Variants in RHBDD1 observed in about 807,000 individuals in gnomAD.
The protein encoded by RHBDD1 is rhomboid-related protein 4.
Under a neutral mutation model 36.3 loss-of-function variants are expected in RHBDD1, and 38 were observed. That is an observed-to-expected ratio of 1.05 (90% CI 0.81 to 1.37). The LOEUF (loss-of-function observed/expected upper bound fraction) is 1.37. Among genes scored for constraint, RHBDD1 ranks in the 40% most tolerant of loss-of-function variants. The pLI, the probability that RHBDD1 is intolerant of heterozygous loss-of-function variation, is 0.00. For missense variants in RHBDD1, 393 were observed against 377.6 expected (o/e 1.04, Z -0.34); for synonymous variants, 151 against 136.5 (o/e 1.11, Z -0.74).
At chr2:226,865,609 G>C (rs140105330) in intron 4 of RHBDD1, among the ~76,000 whole-genome samples, 1 of 152,154 alleles carries the variant, frequency 6.6e-6, no homozygotes, top group Non-Finnish European at 1.5e-5. Context: ...AGGATTCATC[G>C]TGAGCCCATC....
chr2:226,802,632 T>C, the RHBDD1 span, among the ~76,000 whole-genome samples: 1 of 152,242 alleles, frequency 6.6e-6, no homozygotes, highest in African/African-American at 2.4e-5. Context: ...ATGAAAAATT[T>C]ACTCCCCACT....
the RHBDD1 span, among the ~76,000 whole-genome samples, chr2:226,803,086 G>T: frequency 6.6e-6 from 1 of 152,148 alleles, no homozygotes; most frequent in African/African-American, 2.4e-5. Flanking sequence ...TTAAATACTG[G>T]CGTCTCTTAG....
Position 226,996,927 on chromosome 2 carries a change from A to ATTT in RHBDD1, c.*1405_*1406insTTT, listed in dbSNP as rs1959513099. The ATTT allele has an allele frequency of 6.6e-6, 1 of 152,216 alleles. No homozygotes were observed. Among genetic ancestry groups the ATTT allele is most frequent in the South Asian group, 2.1e-4 (1 of 4,834 alleles). 9.4% of individuals were successfully genotyped at this position (152,216 alleles called of 1,614,324 possible). ...ACAAATAAATACATACACAATTTTA[A>ATTT]AGTCACCTGTAGCCCTACCCTTAGA... On this transcript the variant is annotated 3_prime_UTR_variant, in exon 9 of 9. Coordinates refer to ENST00000392062, the MANE Select transcript of RHBDD1 (RefSeq NM_001167608.3).
chr2:226,843,739 G>T (rs1457392819), intron 3 of RHBDD1, among the ~76,000 whole-genome samples: 1 of 152,086 alleles, frequency 6.6e-6, no homozygotes, highest in Non-Finnish European at 1.5e-5. Context: ...TCTTTTTGTT[G>T]TTGTATCTCT....
In RHBDD1 at chr2:226,914,361, T is replaced by G; in HGVS notation, c.856+10T>G. 6.2e-7 allele frequency: 1 copy of G among 1,609,042 alleles called. No homozygotes were observed. Among genetic ancestry groups the G allele is most frequent in the Non-Finnish European group, 8.5e-7 (1 of 1,177,810 alleles). On this transcript the variant is annotated intron_variant, in intron 8 of 8. Transcript: ENST00000392062. ...AGCCTCTGGGACCGAGGTAGGAGTC[T>G]TGCGCCCTTCAGTTATTTTAAAGCA...
intron 8 of RHBDD1, among the ~76,000 whole-genome samples, chr2:226,924,833 C>T (rs983909881): frequency 2.6e-5 from 4 of 152,198 alleles, no homozygotes; most frequent in African/African-American, 9.7e-5. Context: ...TCTCCCTCCC[C>T]CAAGTACACA....
the RHBDD1 span, among the ~76,000 whole-genome samples, chr2:226,820,183 T>A: frequency 1.3e-5 from 2 of 152,192 alleles, no homozygotes; most frequent in African/African-American, 2.4e-5. Flanking sequence ...ATAAAAGTAG[T>A]TTGATGAATA....
intron 3 of RHBDD1, among the ~76,000 whole-genome samples, chr2:226,861,978 G>T (rs1290978682): frequency 6.6e-6 from 1 of 152,198 alleles, no homozygotes; most frequent in Non-Finnish European, 1.5e-5. Context: ...AATAATGTGT[G>T]TGTGCATGCA....
upstream of RHBDD1, chr2:226,835,806 T>TA (rs1479631081): frequency 6.6e-6 from 1 of 152,286 alleles, no homozygotes; most frequent in Non-Finnish European, 1.5e-5. Flanking sequence ...ACATGGAGCT[T>TA]AGAGGACAGG....
chr2:226,905,746 G>T (rs188528730), intron 5 of RHBDD1, among the ~76,000 whole-genome samples: 2 of 152,280 alleles, frequency 1.3e-5, no homozygotes, highest in East Asian at 3.9e-4. Flanking sequence ...CCAACACTGG[G>T]CATTTCCAAA....
chr2:226,965,848 A>G (rs1952583378), intron 8 of RHBDD1, among the ~76,000 whole-genome samples: 1 of 152,108 alleles, frequency 6.6e-6, no homozygotes, highest in Non-Finnish European at 1.5e-5. Flanking sequence ...CTTACAGCAT[A>G]GTCCAGTGGC....
intron 3 of RHBDD1, among the ~76,000 whole-genome samples, chr2:226,857,572 A>C (rs1339685968): frequency 6.6e-6 from 1 of 152,222 alleles, no homozygotes; most frequent in Admixed American, 6.5e-5. Flanking sequence ...TGGTATATTC[A>C]TACAATAAAA....
the RHBDD1 span, among the ~76,000 whole-genome samples, chr2:226,820,666 AAAAG>A: frequency 6.7e-6 from 1 of 149,658 alleles, no homozygotes. Flanking sequence ...AAAAAAAAAA[AAAAG>A]AAAAAAAAAA....
the RHBDD1 span, among the ~76,000 whole-genome samples, chr2:226,803,106 T>C: frequency 6.6e-6 from 1 of 152,250 alleles, no homozygotes; most frequent in African/African-American, 2.4e-5. Flanking sequence ...GAATTAATTT[T>C]GGCAATTTAG....
At chr2:226,873,792 A>G (rs1445732474) in intron 5 of RHBDD1, among the ~76,000 whole-genome samples, 2 of 152,190 alleles carry the variant, frequency 1.3e-5, no homozygotes, top group African/African-American at 2.4e-5. Flanking sequence ...AAATTGAGAC[A>G]TGGAGGAAGA....
intron 8 of RHBDD1, among the ~76,000 whole-genome samples, chr2:226,922,202 C>CTTTTTTTTTT (rs1017204610): frequency 3.8e-5 from 4 of 105,040 alleles, no homozygotes; most frequent in Non-Finnish European, 5.5e-5. Context: ...TATCTTTTTC[C>CTTTTTTTTTT]TTTTTTTTTT....
chr2:226,845,546 T>C (rs1477922480), intron 3 of RHBDD1, among the ~76,000 whole-genome samples: 1 of 152,240 alleles, frequency 6.6e-6, no homozygotes, highest in Non-Finnish European at 1.5e-5. Context: ...GACATTTCTT[T>C]TCCCAAAGCC....
rs756618954 is a variant in RHBDD1, at chr2:226,864,662, C to A, written c.-32C>A. 3.2e-6 allele frequency: 5 copies of A among 1,584,492 alleles called. No homozygotes were observed. The highest frequency in any genetic ancestry group is 4.3e-6 in the Non-Finnish European group (5 of 1,159,182). On this transcript the variant is annotated 5_prime_UTR_variant, in exon 4 of 9. Coordinates refer to ENST00000392062, the MANE Select transcript of RHBDD1 (RefSeq NM_001167608.3). ...AAACTGACCACCTGAGTACGTTTTCCCATTGCTGAGCTGTTTCCCTGATAT... is the reference window on the plus strand; with the variant it reads ...AAACTGACCACCTGAGTACGTTTTCACATTGCTGAGCTGTTTCCCTGATAT...
intron 3 of RHBDD1, among the ~76,000 whole-genome samples, chr2:226,851,976 C>T (rs1942860123): frequency 6.6e-6 from 1 of 152,212 alleles, no homozygotes; most frequent in Non-Finnish European, 1.5e-5. Flanking sequence ...ATTCTATCCT[C>T]CTCCTCAGTG....
Sources: gnomAD v4.1 joint callset for allele counts (sites outside exome capture counted in the v4.1 genomes callset) on GRCh38, gnomAD v4.1.1 for gene constraint, MANE v1.5 for transcripts, NCBI Gene and HGNC (gene_info 2026-07-23, HGNC 2026-07-21) for gene names.